MACROD2: variants seen among roughly 807,000 people sequenced by gnomAD.
MACROD2 encodes the protein mono-ADP ribosylhydrolase 2.
MACROD2 carries 36 observed loss-of-function variants against 70.4 expected under a neutral mutation model. The ratio of observed to expected loss-of-function variants is 0.51; its 90% CI spans 0.39 to 0.68. The LOEUF (loss-of-function observed/expected upper bound fraction) is 0.68. Among genes scored for constraint, MACROD2 ranks in the 30% least tolerant of loss-of-function variants. MACROD2 has a pLI of 0.00. For synonymous variants in MACROD2, 172 were observed against 178.8 expected (o/e 0.96, Z 0.30); for missense variants, 496 against 538.4 (o/e 0.92, Z 0.78).
At chr20:15,583,651 T>C (rs996116320) in intron 8 of MACROD2, among the ~76,000 whole-genome samples, 1 of 152,176 alleles carries the variant, frequency 6.6e-6, no homozygotes, top group African/African-American at 2.4e-5. Flanking sequence ...TTTTTGTTTT[T>C]TTTTCTTATT....
chr20:14,819,443 A>G (rs531549139), intron 5 of MACROD2, among the ~76,000 whole-genome samples: 7 of 152,064 alleles, frequency 4.6e-5, no homozygotes, highest in African/African-American at 1.4e-4. Flanking sequence ...TTTTCCAGCA[A>G]ATATTCTGTA....
chr20:16,042,608 A>C (rs1006702078), intron 16 of MACROD2, among the ~76,000 whole-genome samples: 3 of 152,006 alleles, frequency 2.0e-5, no homozygotes, highest in African/African-American at 7.2e-5. Flanking sequence ...AGGTTTTAGA[A>C]CTAGTATCCC....
At chr20:15,612,303 A>G (rs993468197) in intron 8 of MACROD2, among the ~76,000 whole-genome samples, 2 of 152,186 alleles carry the variant, frequency 1.3e-5, no homozygotes, top group Non-Finnish European at 2.9e-5. Flanking sequence ...GCCTGGTTAG[A>G]AAAATGTTCT....
intron 3 of MACROD2, among the ~76,000 whole-genome samples, chr20:14,318,791 A>G (rs1262262662): frequency 6.6e-6 from 1 of 152,096 alleles, no homozygotes; most frequent in Non-Finnish European, 1.5e-5. Flanking sequence ...TTTCTTTCTG[A>G]GAATATTATC....
intron 6 of MACROD2, among the ~76,000 whole-genome samples, chr20:15,380,124 C>A (rs930708005): frequency 1.3e-5 from 2 of 152,094 alleles, no homozygotes; most frequent in African/African-American, 4.8e-5. Flanking sequence ...GAGATCTTCT[C>A]TGACAACATA....
chr20:15,133,274 C>T (rs534742393), intron 5 of MACROD2, among the ~76,000 whole-genome samples: 1 of 152,006 alleles, frequency 6.6e-6, no homozygotes, highest in African/African-American at 2.4e-5. Context: ...TAATGATAGA[C>T]TGGAGAAAAT....
At chr20:14,410,217 CTTT>C (rs11469280) in intron 3 of MACROD2, among the ~76,000 whole-genome samples, 440 of 134,332 alleles carry the variant, frequency 3.3e-3, no homozygotes, top group African/African-American at 6.6e-3. Context: ...GTTTGCATTT[CTTT>C]TTTTTTTTTT....
At chr20:15,417,616 A>G (rs1230033244) in intron 6 of MACROD2, among the ~76,000 whole-genome samples, 1 of 100,600 alleles carries the variant, frequency 9.9e-6, no homozygotes, top group African/African-American at 3.1e-5. Flanking sequence ...AAAAAAAAAA[A>G]GAAAGAAAGA....
At chr20:15,226,968 G>A (rs1383629249) in intron 5 of MACROD2, among the ~76,000 whole-genome samples, 1 of 152,168 alleles carries the variant, frequency 6.6e-6, no homozygotes, top group African/African-American at 2.4e-5. Context: ...GTGTGGAGTA[G>A]TTACTCATAA....
At chr20:15,220,044 TAA>T (rs764976157) in intron 5 of MACROD2, among the ~76,000 whole-genome samples, 12 of 151,894 alleles carry the variant, frequency 7.9e-5, no homozygotes, top group Non-Finnish European at 1.6e-4. Flanking sequence ...TAGCTTTTGT[TAA>T]AGAGTGTGAT....
chr20:14,668,738 A>T (rs2070763233), intron 4 of MACROD2, among the ~76,000 whole-genome samples: 1 of 152,146 alleles, frequency 6.6e-6, no homozygotes, highest in African/African-American at 2.4e-5. Context: ...AAAATTTTTT[A>T]ATGCTAAAAA....
chr20:15,555,912 C>A (rs1395836892), intron 8 of MACROD2, among the ~76,000 whole-genome samples: 1 of 147,646 alleles, frequency 6.8e-6, no homozygotes, highest in Non-Finnish European at 1.5e-5. Flanking sequence ...GTGTGTGTGA[C>A]ATTTATATCA....
chr20:14,758,048 C>T, intron 5 of MACROD2: 1 of 638,676 alleles, frequency 1.6e-6, no homozygotes, highest in African/African-American at 1.8e-5. Context: ...TGGTCGGCCA[C>T]CTCAATAAAT....
chr20:15,262,952 A>G (rs1204236986), intron 6 of MACROD2, among the ~76,000 whole-genome samples: 4 of 152,126 alleles, frequency 2.6e-5, no homozygotes, highest in Non-Finnish European at 4.4e-5. Flanking sequence ...CCTTTGTCAG[A>G]TGGATAGCTT....
In MACROD2 at chr20:14,704,870, C is replaced by T. The variant is rs1223393139; in HGVS notation, c.418+19911C>T. On this transcript the variant is annotated intron_variant, in intron 5 of 17. Transcript: ENST00000684519. The stretch of plus-strand genomic sequence containing the variant: ...AAGCTGGGAAATGCAAAATCAAGGC[C>T]TGGCAGGGGCTGGCTTTTGAGACAG... 2.0e-5 allele frequency among the ~76,000 whole-genome samples: 3 copies of T among 152,074 alleles called. 1 individual carries two copies. The highest frequency in any genetic ancestry group is 4.4e-5 in the Non-Finnish European group (3 of 68,014).
chr20:14,839,599 C>T (rs369076738), intron 5 of MACROD2, among the ~76,000 whole-genome samples: 1 of 152,014 alleles, frequency 6.6e-6, no homozygotes, highest in Admixed American at 6.6e-5. Context: ...GCTCCAGTCT[C>T]TTATAGTTGT....
intron 6 of MACROD2, among the ~76,000 whole-genome samples, chr20:15,374,473 T>C (rs1437236659): frequency 6.6e-6 from 1 of 152,148 alleles, no homozygotes; most frequent in Non-Finnish European, 1.5e-5. Context: ...ACCACAATAA[T>C]GCTATTTATA....
intron 3 of MACROD2, among the ~76,000 whole-genome samples, chr20:14,149,099 A>G (rs898218203): frequency 2.0e-5 from 3 of 151,072 alleles, no homozygotes; most frequent in African/African-American, 7.3e-5. Context: ...AGTACCCCCA[A>G]ATTAGTTTTT....
At chr20:15,185,714 G>A (rs922222602) in intron 5 of MACROD2, among the ~76,000 whole-genome samples, 2 of 152,106 alleles carry the variant, frequency 1.3e-5, no homozygotes, top group African/African-American at 4.8e-5. Flanking sequence ...TTCAATAAAA[G>A]CAAAAGAAAT....
Sources: allele counts gnomAD v4.1 joint callset (sites outside exome capture counted in the v4.1 genomes callset), GRCh38; gene constraint gnomAD v4.1.1; transcripts MANE v1.5; gene names NCBI Gene and HGNC (gene_info 2026-07-23, HGNC 2026-07-21).